The following MITF variants were observed in gnomAD, a reference collection of about 807,000 sequenced individuals.
The protein encoded by MITF is microphthalmia-associated transcription factor.
MITF carries 17 observed loss-of-function variants against 60.5 expected under a neutral mutation model. That is an observed-to-expected ratio of 0.28 (90% confidence interval 0.19 to 0.42). The LOEUF (loss-of-function observed/expected upper bound fraction) is 0.42, where lower values mean the gene tolerates loss of function less well. MITF is among the 10% of genes least tolerant of loss of function. The pLI is 1.00. For missense variants in MITF, 622 were observed against 683.5 expected, an observed-to-expected ratio of 0.91 and a Z score of 1.00; for synonymous variants, 260 against 248.5, an observed-to-expected ratio of 1.05 and a Z score of -0.43.
intron 1 of MITF, among the ~76,000 whole-genome samples, chr3:69,752,761 G>T (rs961617240): frequency 2.0e-5 from 3 of 152,158 alleles, no homozygotes; most frequent in African/African-American, 4.8e-5. Flanking sequence ...CCTTGGTCCT[G>T]TTCTCATAAT....
At chr3:69,780,751 A>G (rs1219821502) in intron 1 of MITF, among the ~76,000 whole-genome samples, 1 of 152,174 alleles carries the variant, frequency 6.6e-6, no homozygotes, top group Non-Finnish European at 1.5e-5. Flanking sequence ...CTCCTTATAG[A>G]TTGTTTCAAC....
In MITF at chr3:69,879,267, C is replaced by G. The variant is rs757572880; in HGVS notation, c.238C>G (p.Leu80Val). The G allele has an allele frequency of 6.2e-7, 1 of 1,614,216 alleles. No individual in the cohort carries two copies. The highest frequency in any genetic ancestry group is 2.2e-5 in the East Asian group (1 of 44,874). ...GGAGCGCAGGGAGCAGCAGCAGAAG[C>G]TGCAGGCGGCCCAGTTCATGCAACA... ...EQERREQQQK[L>V]QAAQFMQQRV... is the part of the protein sequence containing the mutation. Residue 80 changes from leucine (L) to valine (V), a missense_variant, in exon 2 of 10, where the codon CTG becomes GTG. Around this residue, in one of 5 missense-constraint regions of MITF, gnomAD observed 149 missense variants for 157.8 expected, o/e 0.94. Coordinates refer to ENST00000352241, the MANE Select transcript of MITF (RefSeq NM_001354604.2).
intron 1 of MITF, among the ~76,000 whole-genome samples, chr3:69,821,490 C>T (rs2063270700): frequency 6.6e-6 from 1 of 152,048 alleles, no homozygotes; most frequent in Non-Finnish European, 1.5e-5. Flanking sequence ...AGAAACCGTA[C>T]ACTTCGATTC....
intron 1 of MITF, among the ~76,000 whole-genome samples, chr3:69,754,130 G>A (rs1704039642): frequency 6.6e-6 from 1 of 152,142 alleles, no homozygotes; most frequent in South Asian, 2.1e-4. Context: ...GGTTTCTCAT[G>A]AATGGTTTAG....
chr3:69,928,510 TAA>T lies in MITF; in HGVS notation c.355-9310_355-9309del, dbSNP rs558454932. Reference sequence around the variant, plus strand: ...AGTAGTCCAGTTGTCAGTGTCAGAATAAAGAGTGATGAGAGTTGCAGAATGAA... The same window carrying T: ...AGTAGTCCAGTTGTCAGTGTCAGAATAGAGTGATGAGAGTTGCAGAATGAA... On this transcript the variant is annotated intron_variant, in intron 2 of 9. Coordinates refer to ENST00000352241, the MANE Select transcript of MITF (RefSeq NM_001354604.2). Among the ~76,000 whole-genome samples, 60 of 152,270 alleles carry T rather than the reference TAA, an allele frequency of 3.9e-4. No individual in the cohort carries two copies. In the South Asian group the frequency reaches 0.012, roughly 31 times the overall value.
chr3:69,769,143 T>A (rs2062351543), intron 1 of MITF, among the ~76,000 whole-genome samples: 1 of 152,196 alleles, frequency 6.6e-6, no homozygotes, highest in Admixed American at 6.5e-5. Context: ...TTTGTTGTAC[T>A]ACTGTATGAC....
intron 2 of MITF, among the ~76,000 whole-genome samples, chr3:69,932,042 C>T (rs1292185053): frequency 2.0e-5 from 3 of 152,210 alleles, no homozygotes; most frequent in Admixed American, 6.5e-5. Flanking sequence ...TGTAAAATTA[C>T]GTATACATAT....
At chr3:69,927,035 T>C (rs956887577) in intron 2 of MITF, among the ~76,000 whole-genome samples, 75 of 152,268 alleles carry the variant, frequency 4.9e-4, no homozygotes, top group African/African-American at 1.8e-3. Flanking sequence ...TCATGTACAT[T>C]ATAGAAAATA....
intron 1 of MITF, among the ~76,000 whole-genome samples, chr3:69,756,181 A>G (rs1384486727): frequency 6.6e-6 from 1 of 151,968 alleles, no homozygotes; most frequent in Non-Finnish European, 1.5e-5. Flanking sequence ...TTTGTTACAT[A>G]AGTATACATG....
In MITF at chr3:69,820,788, T is replaced by C. The variant is rs553515868; in HGVS notation, c.105-58346T>C. ...CCAACACTCTGCACTTTGGGCAACA[T>C]CGTGAAAAGATATCTTCCTGTAGAT... On this transcript the variant is annotated intron_variant, in intron 1 of 9. Transcript: ENST00000352241. Among the ~76,000 whole-genome samples, 5 of 152,266 alleles carry C rather than the reference T, an allele frequency of 3.3e-5. No homozygotes were observed. The South Asian group carries it at 1.0e-3, about 32-fold the overall frequency.
intron 1 of MITF, among the ~76,000 whole-genome samples, chr3:69,765,534 T>G (rs937576674): frequency 4.6e-5 from 7 of 152,194 alleles, no homozygotes; most frequent in Non-Finnish European, 8.8e-5. Flanking sequence ...TCCTGGTTAA[T>G]TTTCCCACAA....
rs534583202 is a variant in MITF, at chr3:69,795,227, G to A, written c.104+55526G>A. On this transcript the variant is annotated intron_variant, in intron 1 of 9. Transcript: ENST00000352241. ...TTAAAATCTTAATTTTCTCCCAAGC[G>A]ATGTATTATGTTTTCATTTGCAAAC... Among the ~76,000 whole-genome samples, 74 of 152,198 alleles carry A rather than the reference G, an allele frequency of 4.9e-4. 1 individual carries two copies. Among genetic ancestry groups the A allele is most frequent in the East Asian group, 3.7e-3 (19 of 5,184 alleles).
intron 5 of MITF, 30 bp from the exon 6 acceptor site, chr3:69,949,021 T>C: frequency 6.8e-7 from 1 of 1,465,590 alleles, no homozygotes; most frequent in South Asian, 1.1e-5. Flanking sequence ...GTTCAACAGT[T>C]AATTTCTGTT....
At chr3:69,768,461 T>TA (rs1398705744) in intron 1 of MITF, among the ~76,000 whole-genome samples, 2 of 152,246 alleles carry the variant, frequency 1.3e-5, no homozygotes, top group African/African-American at 4.8e-5. Context: ...AAGTTCTAGA[T>TA]ATCTTCTCAT....
At chr3:69,835,199 G>C (rs181635920) in intron 1 of MITF, among the ~76,000 whole-genome samples, 1 of 151,894 alleles carries the variant, frequency 6.6e-6, no homozygotes. Flanking sequence ...TGTAGTTTTT[G>C]TAGAGACCGG....
At chr3:69,867,621 G>A (rs1256955076) in intron 1 of MITF, among the ~76,000 whole-genome samples, 1 of 151,882 alleles carries the variant, frequency 6.6e-6, no homozygotes, top group African/African-American at 2.4e-5. Context: ...ATAAATTTTT[G>A]CCTTATTAAT....
At chr3:69,812,431 T>C (rs551899163) in intron 1 of MITF, among the ~76,000 whole-genome samples, 55 of 152,298 alleles carry the variant, frequency 3.6e-4, no homozygotes, top group African/African-American at 1.3e-3. Flanking sequence ...GAGACAGAGC[T>C]AGGAGAGAAG....
intron 2 of MITF, among the ~76,000 whole-genome samples, chr3:69,927,468 A>G (rs2065620553): frequency 6.6e-6 from 1 of 152,174 alleles, no homozygotes; most frequent in South Asian, 2.1e-4. Flanking sequence ...GCAAACCGCC[A>G]TGGCAAATGT....
intron 1 of MITF, among the ~76,000 whole-genome samples, chr3:69,844,638 A>G (rs1326303061): frequency 1.3e-5 from 2 of 152,196 alleles, no homozygotes; most frequent in South Asian, 2.1e-4. Flanking sequence ...AAATTAAACT[A>G]AAGAGCTTCT....
Sources: allele counts gnomAD v4.1 joint callset (sites outside exome capture counted in the v4.1 genomes callset), GRCh38; gene constraint gnomAD v4.1.1; regional missense constraint gnomAD v4.1.1; transcripts MANE v1.5; gene names NCBI Gene and HGNC (gene_info 2026-07-23, HGNC 2026-07-21).